ROBO2: variants seen among roughly 807,000 people sequenced by gnomAD.
ROBO2 encodes roundabout guidance receptor 2.
A neutral mutation model predicts 160.8 loss-of-function variants in ROBO2; 53 were observed. The ratio of observed to expected loss-of-function variants is 0.33; its 90% CI spans 0.26 to 0.41. ROBO2 has a LOEUF of 0.41. ROBO2 is among the 10% of genes least tolerant of loss of function. ROBO2 has a pLI of 1.00. For synonymous variants in ROBO2, 664 were observed against 611.7 expected (o/e 1.09, Z -1.26); for missense variants, 1,577 against 1,722.4 (o/e 0.92, Z 1.49).
chr3:77,090,724 A>C (rs564083575), intron 1 of ROBO2, among the ~76,000 whole-genome samples: 1 of 152,050 alleles, frequency 6.6e-6, no homozygotes, highest in African/African-American at 2.4e-5. Flanking sequence ...TAACTGATCA[A>C]TAACCTGTGT....
intron 1 of ROBO2, among the ~76,000 whole-genome samples, chr3:77,084,762 A>G (rs1217281545): frequency 1.3e-5 from 2 of 152,136 alleles, no homozygotes; most frequent in Admixed American, 1.3e-4. Context: ...TGACAGACTC[A>G]AGGAATTGAG....
intron 17 of ROBO2, among the ~76,000 whole-genome samples, chr3:77,592,895 A>G (rs1181293219): frequency 1.3e-5 from 2 of 152,132 alleles, no homozygotes; most frequent in African/African-American, 4.8e-5. Context: ...CTATTATAAT[A>G]CTTTAAACTT....
chr3:76,903,101 T>C (rs2075344249), intron 2 of ROBO2, among the ~76,000 whole-genome samples: 1 of 152,070 alleles, frequency 6.6e-6, no homozygotes, highest in Admixed American at 6.6e-5. Flanking sequence ...AGTACAGTTT[T>C]CTTATTGATT....
At chr3:76,646,800 T>G (rs1011290179) in intron 2 of ROBO2, among the ~76,000 whole-genome samples, 4 of 152,156 alleles carry the variant, frequency 2.6e-5, no homozygotes, top group Non-Finnish European at 5.9e-5. Context: ...AGCAATTATT[T>G]AAATAGAGAT....
At chr3:77,606,032 C>G (rs760757401) in intron 20 of ROBO2, among the ~76,000 whole-genome samples, 21 of 152,062 alleles carry the variant, frequency 1.4e-4, no homozygotes, top group African/African-American at 1.9e-4. Context: ...GCTGACTCAT[C>G]AGGAAACAAA....
At position 77,067,530 on chromosome 3, in the gene ROBO2, C is replaced by T. The variant is rs547928299; in HGVS notation, c.61+26684C>T. ...CTGCGCTTGAATTGGATATGCATAA[C>T]AGACTGAAAAGATAGGGGAAAATAT... On this transcript the variant is annotated intron_variant, in intron 1 of 25. Transcript: ENST00000461745. Among the ~76,000 whole-genome samples the T allele has an allele frequency of 6.6e-5, 10 of 152,252 alleles. No homozygotes were observed. The East Asian group carries it at 1.9e-3, about 29-fold the overall frequency.
At position 77,298,076 on chromosome 3, in the gene ROBO2, T is replaced by C. The variant is rs114545823; in HGVS notation, c.389-179338T>C. Reference sequence around the variant, plus strand: ...CCTCCTCAGCCAACAATGAGTGTCATTGGATCCATCAAAGGATTCAGTGAA... The same window carrying C: ...CCTCCTCAGCCAACAATGAGTGTCACTGGATCCATCAAAGGATTCAGTGAA... On this transcript the variant is annotated intron_variant, in intron 2 of 25. Transcript: ENST00000461745. 1.6e-3 allele frequency among the ~76,000 whole-genome samples: 237 copies of C among 152,230 alleles called. 1 individual carries two copies. Among genetic ancestry groups the C allele is most frequent in the Non-Finnish European group, 2.6e-3 (179 of 68,016 alleles).
At chr3:76,972,170 A>G (rs1246948807) in intron 2 of ROBO2, among the ~76,000 whole-genome samples, 1 of 152,182 alleles carries the variant, frequency 6.6e-6, no homozygotes, top group Non-Finnish European at 1.5e-5. Flanking sequence ...AGTGAGCTGT[A>G]AAACAAAATC....
At chr3:76,786,244 T>A (rs1444422164) in intron 2 of ROBO2, among the ~76,000 whole-genome samples, 1 of 151,354 alleles carries the variant, frequency 6.6e-6, no homozygotes, top group Non-Finnish European at 1.5e-5. Context: ...TGCAGGAGAA[T>A]ACTGAATTGT....
intron 2 of ROBO2, among the ~76,000 whole-genome samples, chr3:76,041,829 G>A (rs2067283613): frequency 6.6e-6 from 1 of 151,806 alleles, no homozygotes; most frequent in South Asian, 2.1e-4. Context: ...AAATAAAGAC[G>A]GCTATGATTT....
At chr3:77,014,133 C>A (rs2062083196) in intron 2 of ROBO2, among the ~76,000 whole-genome samples, 2 of 151,622 alleles carry the variant, frequency 1.3e-5, no homozygotes, top group Admixed American at 1.3e-4. Context: ...TGTGTGAAAT[C>A]TCATTTTCTT....
At chr3:77,110,358 A>T (rs1349311673) in intron 2 of ROBO2, among the ~76,000 whole-genome samples, 2 of 152,122 alleles carry the variant, frequency 1.3e-5, no homozygotes, top group African/African-American at 4.8e-5. Context: ...GCATTATTTC[A>T]TTGCTATATG....
intron 10 of ROBO2, 23 bp downstream of exon 11, chr3:77,562,755 G>A (rs1020019315): frequency 2.6e-6 from 4 of 1,547,656 alleles, no homozygotes; most frequent in Non-Finnish European, 3.6e-6. Flanking sequence ...TGAATTAGGA[G>A]AAATCTTGGG....
At chr3:77,281,275 A>G (rs1218978209) in intron 2 of ROBO2, among the ~76,000 whole-genome samples, 4 of 152,136 alleles carry the variant, frequency 2.6e-5, no homozygotes, top group South Asian at 4.1e-4. Context: ...TTTGCTGTTT[A>G]CCTTAGTTTT....
intron 23 of ROBO2, among the ~76,000 whole-genome samples, chr3:77,625,375 C>G (rs1373493559): frequency 1.3e-5 from 2 of 151,476 alleles, no homozygotes; most frequent in Non-Finnish European, 2.9e-5. Flanking sequence ...AGCCATCTTT[C>G]TTTCTTTCTT....
intron 2 of ROBO2, among the ~76,000 whole-genome samples, chr3:76,934,061 C>T (rs968297936): frequency 2.6e-5 from 4 of 152,036 alleles, no homozygotes; most frequent in Non-Finnish European, 5.9e-5. Flanking sequence ...GCTCTAAAAG[C>T]TTTTGCTGTA....
intron 2 of ROBO2, among the ~76,000 whole-genome samples, chr3:76,362,331 T>C (rs905832918): frequency 2.0e-4 from 30 of 152,014 alleles, no homozygotes; most frequent in African/African-American, 7.0e-4. Flanking sequence ...ATTTCTGCAC[T>C]CCAGCCTGGG....
intron 2 of ROBO2, among the ~76,000 whole-genome samples, chr3:76,185,794 C>A (rs1701733920): frequency 6.6e-6 from 1 of 151,866 alleles, no homozygotes; most frequent in Admixed American, 6.6e-5. Flanking sequence ...CAATAAGATA[C>A]CATCAGAACA....
At chr3:77,539,050 C>T (rs1417142945) in intron 6 of ROBO2, among the ~76,000 whole-genome samples, 2 of 151,938 alleles carry the variant, frequency 1.3e-5, no homozygotes, top group African/African-American at 2.4e-5. Context: ...CCTGAGGAGC[C>T]GGGATTACAG....
Sources: allele counts gnomAD v4.1 joint callset (sites outside exome capture counted in the v4.1 genomes callset), GRCh38; gene constraint gnomAD v4.1.1; transcripts MANE v1.5; gene names NCBI Gene and HGNC (gene_info 2026-07-23, HGNC 2026-07-21).